OGFOD3: variants seen among roughly 807,000 people sequenced by gnomAD.
The protein encoded by OGFOD3 is 2-oxoglutarate and iron-dependent oxygenase domain-containing protein 3.
A neutral mutation model predicts 39.8 loss-of-function variants in OGFOD3; 35 were observed. The ratio of observed to expected loss-of-function variants is 0.88; its 90% CI spans 0.67 to 1.17. The LOEUF (loss-of-function observed/expected upper bound fraction) is 1.17. OGFOD3 is among the 50% of genes most tolerant of loss of function. The probability of loss-of-function intolerance (pLI) is 0.00; values close to 1 mark genes in which losing one functional copy is unlikely to be tolerated. For missense variants in OGFOD3, 438 were observed against 454.5 expected (o/e 0.96, Z 0.33); for synonymous variants, 200 against 192.0 (o/e 1.04, Z -0.34).
rs147017306 is a variant in OGFOD3 at position 82,406,294 on chromosome 17, C to T, written c.488+124G>A. ...GGCCAACATCACAGCCACTGAGGCCCTGAGGCTGCACCGAGCCGGATCCTC... is the reference window on the plus strand; with the variant it reads ...GGCCAACATCACAGCCACTGAGGCCTTGAGGCTGCACCGAGCCGGATCCTC... On this transcript the variant is annotated intron_variant, in intron 5 of 8. Transcript: ENST00000313056. The surrounding 1 kb of genome is among the most constrained non-coding windows in gnomAD (Gnocchi z 5.2). 240 of 860,930 alleles carry T rather than the reference C, an allele frequency of 2.8e-4. No individual in the cohort carries two copies. In the African/African-American group the frequency reaches 3.4e-3, roughly 12 times the overall value. The allele number at this position is 860,930 out of a possible 1,614,324, so 53.3% of individuals were successfully genotyped here.
chr17:82,389,621 G>C lies in OGFOD3; in HGVS notation c.*2777C>G, dbSNP rs2052578871. 2 of 152,220 alleles carry C rather than the reference G, an allele frequency of 1.3e-5. No homozygotes were observed. Among genetic ancestry groups the C allele is most frequent in the South Asian group, 4.1e-4 (2 of 4,830 alleles). 9.4% of individuals were successfully genotyped at this position (152,220 alleles called of 1,614,324 possible). On this transcript the variant is annotated 3_prime_UTR_variant, in exon 9 of 9. Coordinates refer to ENST00000313056, the MANE Select transcript of OGFOD3 (RefSeq NM_024648.3). This position sits in a 1 kb window ranked among gnomAD's most constrained non-coding sequence, Gnocchi z 4.6. ...GGGCTCAAGCAGTCGTCCTGCCTCA[G>C]CTCCGAGTAGCTGGGACCACAGGAG... is the stretch of plus-strand genomic sequence containing the variant.
intron 7 of OGFOD3, among the ~76,000 whole-genome samples, chr17:82,399,557 G>A (rs1025985117): frequency 2.6e-5 from 4 of 152,160 alleles, no homozygotes; most frequent in Non-Finnish European, 4.4e-5. Context: ...TGCAGCCACC[G>A]CACCGTCCTC....
At chr17:82,410,930 G>A (rs1262920865) in intron 3 of OGFOD3, among the ~76,000 whole-genome samples, 1 of 151,780 alleles carries the variant, frequency 6.6e-6, no homozygotes, top group Non-Finnish European at 1.5e-5. Flanking sequence ...ATGTTGCCCA[G>A]GCTGGTGTCG....
At chr17:82,405,206 G>T in intron 6 of OGFOD3, 118 bp downstream of exon 6, 1 of 835,584 alleles carries the variant, frequency 1.2e-6, no homozygotes, top group Non-Finnish European at 2.0e-6. Flanking sequence ...ACTTCTGCAG[G>T]CCTGGCCCTG....
At chr17:82,414,730 T>C (rs913205415) in intron 2 of OGFOD3, among the ~76,000 whole-genome samples, 1 of 152,246 alleles carries the variant, frequency 6.6e-6, no homozygotes. Context: ...AAGCATTGAA[T>C]TGAATTTTTA....
At chr17:82,409,477 G>C (rs7211306) in intron 3 of OGFOD3, 67 bp from the exon 4 acceptor site, 1 of 1,463,566 alleles carries the variant, frequency 6.8e-7, no homozygotes, top group East Asian at 2.3e-5. Context: ...CTAGGCAAAC[G>C]TCAATCAGCA....
At chr17:82,393,451 A>G (rs1176579355) in intron 8 of OGFOD3, 1 of 152,266 alleles carries the variant, frequency 6.6e-6, no homozygotes, top group African/African-American at 2.4e-5. Flanking sequence ...GTGCCTGGAA[A>G]TAGTGGAGCA....
chr17:82,411,883 G>C (rs1223179536), intron 2 of OGFOD3, among the ~76,000 whole-genome samples: 2 of 152,154 alleles, frequency 1.3e-5, no homozygotes, highest in East Asian at 3.8e-4. Flanking sequence ...ACCCTTCTGA[G>C]ACCACCAGAG....
chr17:82,406,228 C>T lies in OGFOD3; in HGVS notation c.488+190G>A, dbSNP rs1324810790. ...CTGCCCACAGGCTGTGGAGAGTCCA[C>T]ACCTCCCAGCTCTTGCGTCCCAAAG... is the stretch of plus-strand genomic sequence containing the variant. On this transcript the variant is annotated intron_variant, in intron 5 of 8. Coordinates refer to ENST00000313056, the MANE Select transcript of OGFOD3 (RefSeq NM_024648.3). The surrounding 1 kb of genome is among the most constrained non-coding windows in gnomAD (Gnocchi z 5.2). Among the ~76,000 whole-genome samples the T allele has an allele frequency of 2.0e-5, 3 of 152,220 alleles. No individual in the cohort carries two copies. The highest frequency in any genetic ancestry group is 7.2e-5 in the African/African-American group (3 of 41,462).
intron 7 of OGFOD3, among the ~76,000 whole-genome samples, chr17:82,398,945 G>A (rs1472914745): frequency 2.2e-5 from 3 of 136,472 alleles, no homozygotes; most frequent in Admixed American, 8.2e-5. Context: ...CGGGTGCTGG[G>A]ATTAGAGGCA....
In OGFOD3 at chr17:82,391,986, CAGAAGCTG is replaced by C. The variant is rs2052602408; in HGVS notation, c.*404_*411del. On this transcript the variant is annotated 3_prime_UTR_variant, in exon 9 of 9. Coordinates refer to ENST00000313056, the MANE Select transcript of OGFOD3 (RefSeq NM_024648.3). The surrounding 1 kb of genome is among the most constrained non-coding windows in gnomAD (Gnocchi z 5.1). Reference sequence around the variant, plus strand: ...GGTTTGCTGATGCCGAGACCCCGAACAGAAGCTGCTGGCCCCACGTTTGTCCCCATTTA... The same window carrying C: ...GGTTTGCTGATGCCGAGACCCCGAACCTGGCCCCACGTTTGTCCCCATTTA... 1 of 177,846 alleles carries C rather than the reference CAGAAGCTG, an allele frequency of 5.6e-6. No individual in the cohort carries two copies. Among genetic ancestry groups the C allele is most frequent in the African/African-American group, 2.4e-5 (1 of 40,914 alleles). The allele number at this position is 177,846 out of a possible 1,614,324, so 11.0% of individuals were successfully genotyped here.
rs896197808 is a variant in OGFOD3 at position 82,390,935 on chromosome 17, T to A, written c.*1463A>T. On this transcript the variant is annotated 3_prime_UTR_variant, in exon 9 of 9. Transcript: ENST00000313056. The surrounding 1 kb of genome is among the most constrained non-coding windows in gnomAD (Gnocchi z 4.9). Reference sequence around the variant, plus strand: ...CTCAGCTGGCCTCACGCCCGCTCCTTCCCAGGACCCAATAATGCTGCCCTT... The same window carrying A: ...CTCAGCTGGCCTCACGCCCGCTCCTACCCAGGACCCAATAATGCTGCCCTT... The A allele has an allele frequency of 9.6e-6, 2 of 208,450 alleles. No individual in the cohort carries two copies. The highest frequency in any genetic ancestry group is 4.7e-5 in the South Asian group (1 of 21,240). The allele number at this position is 208,450 out of a possible 1,614,324, so 12.9% of individuals were successfully genotyped here.
chr17:82,405,295 G>T, intron 6 of OGFOD3, 29 bp downstream of exon 6: 1 of 1,603,612 alleles, frequency 6.2e-7, no homozygotes, highest in Non-Finnish European at 8.5e-7. Context: ...CCCCGCCTGC[G>T]AACCCCCACC....
intron 8 of OGFOD3, chr17:82,393,087 C>T (rs1480562731): frequency 1.3e-5 from 2 of 153,106 alleles, no homozygotes; most frequent in East Asian, 1.9e-4. Context: ...GGGCCCGGGG[C>T]CTGAGAGGTC....
At position 82,404,151 on chromosome 17, in the gene OGFOD3, C is replaced by T; in HGVS notation, c.546-61G>A. The T allele has an allele frequency of 6.7e-7, 1 of 1,482,810 alleles. No homozygotes were observed. The highest frequency in any genetic ancestry group is 2.4e-5 in the East Asian group (1 of 42,290). 91.9% of individuals were successfully genotyped at this position (1,482,810 alleles called of 1,614,324 possible). On this transcript the variant is annotated intron_variant, in intron 6 of 8. Transcript: ENST00000313056. The surrounding 1 kb of genome is among the most constrained non-coding windows in gnomAD (Gnocchi z 4.5). ...GGCGGGAGGGGACGCTCGTGGGTCC[C>T]AACCCGTGGGTGGCAGGAAAGGAAC...
chr17:82,411,561 T>A (rs750044451), intron 2 of OGFOD3, 31 bp from the exon 3 acceptor site: 33 of 1,596,308 alleles, frequency 2.1e-5, no homozygotes, highest in Non-Finnish European at 2.7e-5. Flanking sequence ...TGAGACGCAG[T>A]TTCCAAGGCC....
chr17:82,402,824 G>A (rs888134367), intron 7 of OGFOD3, among the ~76,000 whole-genome samples: 1 of 152,204 alleles, frequency 6.6e-6, no homozygotes, highest in Non-Finnish European at 1.5e-5. Flanking sequence ...GGAGGCTGAG[G>A]CGGGAGGATT....
intron 7 of OGFOD3, among the ~76,000 whole-genome samples, chr17:82,402,243 T>C (rs1393949115): frequency 6.6e-6 from 1 of 151,952 alleles, no homozygotes; most frequent in Non-Finnish European, 1.5e-5. Context: ...GAGGCCTGCC[T>C]GGCCAACATG....
chr17:82,405,299 C>T (rs1182207962), intron 6 of OGFOD3, 25 bp downstream of exon 6: 1 of 1,609,268 alleles, frequency 6.2e-7, no homozygotes, highest in Admixed American at 1.7e-5. Context: ...GCCTGCGAAC[C>T]CCCACCCGCC....
Sources: gnomAD v4.1 joint callset for allele counts (sites outside exome capture counted in the v4.1 genomes callset) on GRCh38, gnomAD v4.1.1 for gene constraint, Gnocchi (gnomAD v3.1) non-coding constraint, MANE v1.5 for transcripts, NCBI Gene and HGNC (gene_info 2026-07-23, HGNC 2026-07-21) for gene names.